The following RBFOX1 variants were observed in gnomAD, a reference collection of about 807,000 sequenced individuals.
RBFOX1 encodes the protein RNA binding fox-1 homolog 1.
A neutral mutation model predicts 57.7 loss-of-function variants in RBFOX1; 8 were observed. The observed-to-expected ratio is 0.14, with a 90% CI of 0.08 to 0.25. The LOEUF (loss-of-function observed/expected upper bound fraction) is 0.25, where lower values mean the gene tolerates loss of function less well. Among genes scored for constraint, RBFOX1 ranks in the 10% least tolerant of loss-of-function variants. The pLI is 1.00. For missense variants in RBFOX1, 611 were observed against 548.5 expected, an observed-to-expected ratio of 1.11 and a Z score of -1.14; for synonymous variants, 326 against 222.4, an observed-to-expected ratio of 1.47 and a Z score of -4.15.
chr16:7,043,740 G>C (rs1243240447), intron 3 of RBFOX1, among the ~76,000 whole-genome samples: 1 of 152,124 alleles, frequency 6.6e-6, no homozygotes, highest in African/African-American at 2.4e-5. Context: ...TGTGTCTTCT[G>C]TTTCTTTGGA....
At chr16:6,978,866 A>C (rs1234779320) in intron 3 of RBFOX1, among the ~76,000 whole-genome samples, 1 of 152,066 alleles carries the variant, frequency 6.6e-6, no homozygotes, top group Non-Finnish European at 1.5e-5. Context: ...GCTTCATTGC[A>C]TTTTTGCCCT....
At chr16:7,025,572 C>T (rs552445257) in intron 3 of RBFOX1, among the ~76,000 whole-genome samples, 4 of 152,228 alleles carry the variant, frequency 2.6e-5, no homozygotes, top group East Asian at 3.9e-4. Flanking sequence ...TAAGATTGTG[C>T]AGTGTGCATT....
intron 1 of RBFOX1, among the ~76,000 whole-genome samples, chr16:6,117,248 G>T (rs539458821): frequency 4.4e-4 from 67 of 152,150 alleles, no homozygotes; most frequent in African/African-American, 1.6e-3. Context: ...AAATTCCTAG[G>T]AATTTGTGGA....
At chr16:6,860,497 G>A (rs879588472) in intron 3 of RBFOX1, among the ~76,000 whole-genome samples, 8 of 152,232 alleles carry the variant, frequency 5.3e-5, no homozygotes, top group East Asian at 3.9e-4. Context: ...CTGCTTTGGC[G>A]CTCACTTTAG....
intron 4 of RBFOX1, among the ~76,000 whole-genome samples, chr16:7,467,826 C>T (rs1342505220): frequency 6.6e-6 from 1 of 152,164 alleles, no homozygotes; most frequent in Non-Finnish European, 1.5e-5. Flanking sequence ...TTACAGAGTC[C>T]TTCTTTGTTT....
At chr16:6,561,967 C>A (rs1275546958) in intron 2 of RBFOX1, among the ~76,000 whole-genome samples, 1 of 152,146 alleles carries the variant, frequency 6.6e-6, no homozygotes, top group Non-Finnish European at 1.5e-5. Context: ...ACATCATCCA[C>A]CTAGATCTGT....
intron 14 of RBFOX1, among the ~76,000 whole-genome samples, chr16:7,693,793 C>T (rs552625984): frequency 6.6e-6 from 1 of 152,236 alleles, no homozygotes; most frequent in Admixed American, 6.5e-5. Context: ...ATATTAGAGG[C>T]TGTAAAAGAC....
rs181606094 is a variant in RBFOX1, at chr16:6,315,089, A to G, written c.-126-1906A>G. On this transcript the variant is annotated intron_variant, in intron 1 of 15. Coordinates refer to ENST00000550418, the MANE Select transcript of RBFOX1 (RefSeq NM_018723.4). ...TTTTAAAAAGCACCGACTTTGTGCTAAGCACAATGCTACTTGTTTTACAAA... is the reference window on the plus strand; with the variant it reads ...TTTTAAAAAGCACCGACTTTGTGCTGAGCACAATGCTACTTGTTTTACAAA... 3.1e-4 allele frequency among the ~76,000 whole-genome samples: 47 copies of G among 152,366 alleles called. 1 individual carries two copies. The highest frequency in any genetic ancestry group is 6.5e-4 in the African/African-American group (27 of 41,586).
intron 2 of RBFOX1, among the ~76,000 whole-genome samples, chr16:6,570,693 G>A (rs1282515523): frequency 2.0e-5 from 3 of 152,154 alleles, no homozygotes; most frequent in African/African-American, 7.2e-5. Context: ...TGATTTTGCA[G>A]TATCCGCCAA....
intron 2 of RBFOX1, among the ~76,000 whole-genome samples, chr16:6,650,722 A>G (rs977020322): frequency 6.6e-6 from 1 of 151,972 alleles, no homozygotes; most frequent in Non-Finnish European, 1.5e-5. Context: ...TTTTTGTTCC[A>G]CTCTGGATTC....
At chr16:7,088,942 C>A (rs1372473872) in intron 4 of RBFOX1, among the ~76,000 whole-genome samples, 1 of 152,162 alleles carries the variant, frequency 6.6e-6, no homozygotes. Flanking sequence ...TGCTCTGGTT[C>A]AACTCAGATC....
At chr16:6,614,088 A>G (rs1467943790) in intron 2 of RBFOX1, among the ~76,000 whole-genome samples, 1 of 152,196 alleles carries the variant, frequency 6.6e-6, no homozygotes, top group African/African-American at 2.4e-5. Flanking sequence ...TTGTTTGTAG[A>G]TTTTATAACG....
At chr16:5,399,790 C>G (rs145151260) in intron 1 of RBFOX1, among the ~76,000 whole-genome samples, 1 of 151,476 alleles carries the variant, frequency 6.6e-6, no homozygotes, top group Non-Finnish European at 1.5e-5. Context: ...ATGACATAAT[C>G]TCATCCCCAG....
intron 14 of RBFOX1, among the ~76,000 whole-genome samples, chr16:7,708,464 T>A (rs1472256279): frequency 6.6e-6 from 1 of 151,728 alleles, no homozygotes; most frequent in Non-Finnish European, 1.5e-5. Flanking sequence ...ACAGAAGTTC[T>A]GGAATAATAG....
chr16:6,464,120 A>C (rs1215722761), intron 2 of RBFOX1, among the ~76,000 whole-genome samples: 2 of 152,220 alleles, frequency 1.3e-5, no homozygotes, highest in East Asian at 1.9e-4. Flanking sequence ...AATGTGGGCC[A>C]CATTTAATTC....
intron 1 of RBFOX1, among the ~76,000 whole-genome samples, chr16:6,114,877 A>G (rs2096482945): frequency 6.6e-6 from 1 of 152,178 alleles, no homozygotes; most frequent in African/African-American, 2.4e-5. Flanking sequence ...GGGCTAACTC[A>G]TAGGCACTGA....
intron 3 of RBFOX1, among the ~76,000 whole-genome samples, chr16:5,741,694 A>T (rs1329593539): frequency 6.6e-6 from 1 of 152,254 alleles, no homozygotes; most frequent in African/African-American, 2.4e-5. Context: ...ATTCAATGCT[A>T]TCATAAATTT....
intron 4 of RBFOX1, among the ~76,000 whole-genome samples, chr16:5,893,551 A>T (rs1414257413): frequency 4.6e-5 from 7 of 152,280 alleles, no homozygotes; most frequent in Admixed American, 4.6e-4. Context: ...TCACACCTGT[A>T]ATCCCAGCCC....
At chr16:6,468,011 A>G (rs1162772575) in intron 2 of RBFOX1, among the ~76,000 whole-genome samples, 1 of 152,190 alleles carries the variant, frequency 6.6e-6, no homozygotes, top group Non-Finnish European at 1.5e-5. Context: ...GAGAGTTAAG[A>G]GAAAGAAATT....
Sources: allele counts gnomAD v4.1 joint callset (sites outside exome capture counted in the v4.1 genomes callset), GRCh38; gene constraint gnomAD v4.1.1; transcripts MANE v1.5; gene names NCBI Gene and HGNC (gene_info 2026-07-23, HGNC 2026-07-21).